TRAK1: variants seen among roughly 807,000 people sequenced by gnomAD.
TRAK1 encodes trafficking kinesin-binding protein 1.
In TRAK1, 33 loss-of-function variants were observed where a neutral mutation model predicts 92.1. The observed-to-expected ratio is 0.36, with a 90% CI of 0.27 to 0.48. The LOEUF (loss-of-function observed/expected upper bound fraction) is 0.48. TRAK1 is among the 20% of genes least tolerant of loss of function. The probability of loss-of-function intolerance (pLI) is 0.99; values close to 1 mark genes in which losing one functional copy is unlikely to be tolerated. For missense variants in TRAK1, 1,123 were observed against 1,257.9 expected (o/e 0.89, Z 1.62); for synonymous variants, 521 against 517.3 (o/e 1.01, Z -0.10).
chr3:42,061,945 C>T (rs1028987461), intron 1 of TRAK1, among the ~76,000 whole-genome samples: 12 of 152,206 alleles, frequency 7.9e-5, no homozygotes, highest in Admixed American at 3.3e-4. Flanking sequence ...CCACGCCCTT[C>T]TAGGCTATTG....
At chr3:42,196,355 CAGG>C (rs1559914044) in intron 10 of TRAK1, among the ~76,000 whole-genome samples, 1 of 152,124 alleles carries the variant, frequency 6.6e-6, no homozygotes, top group Non-Finnish European at 1.5e-5. Flanking sequence ...TGCCCAATGG[CAGG>C]AGTTCATCTG....
At chr3:42,113,766 C>G (rs1708803125) in intron 1 of TRAK1, among the ~76,000 whole-genome samples, 1 of 151,946 alleles carries the variant, frequency 6.6e-6, no homozygotes, top group Admixed American at 6.6e-5. Flanking sequence ...GTTGCCCAGG[C>G]TGGTCTCAAA....
In TRAK1 at chr3:42,127,099, A is replaced by C. The variant is rs1576493752; in HGVS notation, c.286+1485A>C. Among the ~76,000 whole-genome samples, 3 of 152,220 alleles carry C rather than the reference A, an allele frequency of 2.0e-5. No homozygotes were observed. In the East Asian group the frequency reaches 5.8e-4, roughly 29 times the overall value. On this transcript the variant is annotated intron_variant, in intron 2 of 15. Transcript: ENST00000327628. ...TTGATTCACAACGTCTGTACCACCA[A>C]GGAGATATGTGGTATCATATGGAAA...
upstream of TRAK1, among the ~76,000 whole-genome samples, chr3:42,088,104 A>G (rs143860405): frequency 6.6e-6 from 1 of 152,230 alleles, no homozygotes; most frequent in Non-Finnish European, 1.5e-5. Flanking sequence ...TTGCATTCAT[A>G]TAGAAGTTTG....
At chr3:42,211,047 AG>A (rs34938459) in intron 14 of TRAK1, 1 of 985,172 alleles carries the variant, frequency 1.0e-6, no homozygotes, top group Non-Finnish European at 1.2e-6. Context: ...TTGTGGAGTC[AG>A]GGGGGAGACT....
In TRAK1 at chr3:42,180,121, A is replaced by G. The variant is rs375374474; in HGVS notation, c.363+3231A>G. On this transcript the variant is annotated intron_variant, in intron 3 of 15. Transcript: ENST00000327628. ...GTTTTTTTCATTCTTATAATTCTCAAAGAAAAACCCAACCAGCTTGTTGCC... is the reference window on the plus strand; with the variant it reads ...GTTTTTTTCATTCTTATAATTCTCAGAGAAAAACCCAACCAGCTTGTTGCC... Among the ~76,000 whole-genome samples, 233 of 152,282 alleles carry G rather than the reference A, an allele frequency of 1.5e-3. 2 individuals are homozygous for G. Among genetic ancestry groups the G allele is most frequent in the South Asian group, 0.015 (71 of 4,826 alleles).
intron 1 of TRAK1, among the ~76,000 whole-genome samples, chr3:42,092,336 G>A (rs1382054221): frequency 6.6e-6 from 1 of 152,208 alleles, no homozygotes; most frequent in Non-Finnish European, 1.5e-5. Flanking sequence ...CCTGAGAGAA[G>A]TGAGCTCCTG....
chr3:42,209,460 TTAAAA>T (rs1708715108), intron 13 of TRAK1, among the ~76,000 whole-genome samples: 1 of 152,156 alleles, frequency 6.6e-6, no homozygotes, highest in South Asian at 2.1e-4. Flanking sequence ...CATCAGTTGA[TTAAAA>T]TAAAGACCTT....
intron 2 of TRAK1, among the ~76,000 whole-genome samples, chr3:42,140,282 G>C: frequency 6.6e-6 from 1 of 152,144 alleles, no homozygotes; most frequent in East Asian, 1.9e-4. Context: ...CTGTTCATTA[G>C]CAGTCTGCCT....
upstream of TRAK1, among the ~76,000 whole-genome samples, chr3:42,013,487 C>A (rs1701386381): frequency 6.9e-6 from 1 of 145,814 alleles, no homozygotes; most frequent in South Asian, 2.3e-4. This position sits in a 1 kb window ranked among gnomAD's most constrained non-coding sequence, Gnocchi z 5.1. Flanking sequence ...GCGAGGAAGG[C>A]GGGGCGCGGC....
upstream of TRAK1, among the ~76,000 whole-genome samples, chr3:42,013,240 G>A (rs993079672): frequency 2.6e-5 from 4 of 152,182 alleles, no homozygotes; most frequent in African/African-American, 9.7e-5. This position sits in a 1 kb window ranked among gnomAD's most constrained non-coding sequence, Gnocchi z 5.1. Context: ...GCTTTGCTAG[G>A]AGACAGCCCG....
chr3:42,157,215 T>C (rs1371209400), intron 2 of TRAK1, among the ~76,000 whole-genome samples: 1 of 150,946 alleles, frequency 6.6e-6, no homozygotes, highest in Non-Finnish European at 1.5e-5. Flanking sequence ...TCCCAGCACT[T>C]TGGGAGGCTG....
intron 2 of TRAK1, chr3:42,145,826 A>G (rs866003429): frequency 1.0e-4 from 25 of 241,238 alleles, no homozygotes; most frequent in African/African-American, 5.8e-4. Context: ...TTGGGTCATA[A>G]GAAAGAACAC....
intron 1 of TRAK1, among the ~76,000 whole-genome samples, chr3:42,031,695 T>TA (rs1262362181): frequency 2.0e-5 from 3 of 152,142 alleles, no homozygotes; most frequent in Non-Finnish European, 4.4e-5. Context: ...ATATGTGTTG[T>TA]AAAATTTGCT....
At chr3:42,065,963 A>G (rs1452501584) in intron 1 of TRAK1, among the ~76,000 whole-genome samples, 1 of 152,168 alleles carries the variant, frequency 6.6e-6, no homozygotes, top group Non-Finnish European at 1.5e-5. Flanking sequence ...TTGAGCTTTT[A>G]AAGGGTTTTC....
At chr3:42,084,537 G>T (rs1054059595), upstream of TRAK1, among the ~76,000 whole-genome samples, 2 of 152,224 alleles carry the variant, frequency 1.3e-5, no homozygotes, top group Admixed American at 6.5e-5. Flanking sequence ...ATCACAACTT[G>T]CCCAGCATGG....
chr3:42,181,511 T>G (rs149504068), intron 3 of TRAK1, among the ~76,000 whole-genome samples: 7 of 152,288 alleles, frequency 4.6e-5, no homozygotes, highest in Non-Finnish European at 7.4e-5. Context: ...GCCACTGCAC[T>G]CCAGCCTGGG....
At chr3:42,219,744 C>T (rs1342131440) in intron 15 of TRAK1, 148 bp downstream of exon 15, 3 of 719,206 alleles carry the variant, frequency 4.2e-6, no homozygotes, top group East Asian at 5.8e-5. Context: ...CATTTGCAGG[C>T]ACTTGTTCTG....
intron 10 of TRAK1, among the ~76,000 whole-genome samples, chr3:42,198,462 C>T (rs1707062967): frequency 6.6e-6 from 1 of 152,102 alleles, no homozygotes; most frequent in African/African-American, 2.4e-5. Context: ...ATTTCCTGGG[C>T]AGGTTGTTTA....
Sources: allele counts gnomAD v4.1 joint callset (sites outside exome capture counted in the v4.1 genomes callset), GRCh38; gene constraint gnomAD v4.1.1; non-coding constraint Gnocchi (gnomAD v3.1); transcripts MANE v1.5; gene names NCBI Gene and HGNC (gene_info 2026-07-23, HGNC 2026-07-21).